STARD13: variants seen among roughly 807,000 people sequenced by gnomAD.
STARD13 encodes the protein StAR related lipid transfer domain containing 13, also known as stAR-related lipid transfer protein 13.
STARD13 carries 62 observed loss-of-function variants against 106.4 expected under a neutral mutation model. That is an observed-to-expected ratio of 0.58 (90% CI 0.48 to 0.72). The LOEUF (loss-of-function observed/expected upper bound fraction) is 0.72. Among genes scored for constraint, STARD13 ranks in the 30% least tolerant of loss-of-function variants. The pLI is 0.00. For missense variants in STARD13, 1,387 were observed against 1,424.0 expected (o/e 0.97, Z 0.42); for synonymous variants, 565 against 553.0 (o/e 1.02, Z -0.31).
At chr13:33,631,445 T>C in the STARD13 span, among the ~76,000 whole-genome samples, 7 of 152,248 alleles carry the variant, frequency 4.6e-5, no homozygotes, top group Admixed American at 1.3e-4. Flanking sequence ...AGCCTCTTCA[T>C]GTTCTTACAT....
chr13:33,262,657 CACACA>C, intron 1 of STARD13, among the ~76,000 whole-genome samples: 3 of 110,326 alleles, frequency 2.7e-5, no homozygotes, highest in Admixed American at 8.8e-5. Flanking sequence ...CCCACACACA[CACACA>C]ACACACACAC....
intron 1 of STARD13, among the ~76,000 whole-genome samples, chr13:33,315,775 A>G (rs1159700027): frequency 6.6e-6 from 1 of 152,166 alleles, no homozygotes; most frequent in Non-Finnish European, 1.5e-5. Flanking sequence ...CATTTTAAAC[A>G]TCAAAAAGTA....
At chr13:33,222,072 C>T (rs891098921) in intron 1 of STARD13, among the ~76,000 whole-genome samples, 1 of 151,950 alleles carries the variant, frequency 6.6e-6, no homozygotes, top group East Asian at 1.9e-4. Context: ...CTGCTTGAAC[C>T]CGGGAGGTAG....
the STARD13 span, among the ~76,000 whole-genome samples, chr13:33,629,027 A>C: frequency 2.0e-5 from 3 of 152,178 alleles, no homozygotes; most frequent in Non-Finnish European, 2.9e-5. Context: ...GCAGCTTCTT[A>C]GCTATGTTGA....
chr13:33,645,622 C>G, the STARD13 span, among the ~76,000 whole-genome samples: 1 of 152,100 alleles, frequency 6.6e-6, no homozygotes, highest in Non-Finnish European at 1.5e-5. Flanking sequence ...CAGCCAAAGT[C>G]TAAAGGGATT....
intron 1 of STARD13, among the ~76,000 whole-genome samples, chr13:33,316,389 G>A (rs1296257890): frequency 1.3e-5 from 2 of 152,154 alleles, no homozygotes; most frequent in African/African-American, 4.8e-5. Flanking sequence ...GTAGAAATAA[G>A]CAATCTTGGT....
At chr13:33,200,169 G>T (rs1485286205) in intron 1 of STARD13, among the ~76,000 whole-genome samples, 1 of 152,206 alleles carries the variant, frequency 6.6e-6, no homozygotes, top group African/African-American at 2.4e-5. Flanking sequence ...TAGCCCTGTG[G>T]TCTGCTGACA....
chr13:33,642,680 C>G, the STARD13 span, among the ~76,000 whole-genome samples: 39 of 152,118 alleles, frequency 2.6e-4, no homozygotes, highest in Admixed American at 2.5e-3. Flanking sequence ...CTGAGTCACA[C>G]AGTCAGTAAA....
At chr13:33,143,438 T>C (rs903780538) in intron 3 of STARD13, among the ~76,000 whole-genome samples, 3 of 152,226 alleles carry the variant, frequency 2.0e-5, no homozygotes, top group African/African-American at 7.2e-5. Context: ...GATTGACTCA[T>C]GTTGTTGAGT....
chr13:33,654,086 T>C, the STARD13 span, among the ~76,000 whole-genome samples: 1 of 152,300 alleles, frequency 6.6e-6, no homozygotes. Context: ...AGTGAGAATG[T>C]AAAATGGTGC....
the STARD13 span, among the ~76,000 whole-genome samples, chr13:33,396,388 A>C: frequency 6.6e-6 from 1 of 152,000 alleles, no homozygotes; most frequent in Non-Finnish European, 1.5e-5. Context: ...AGGTTTAAAA[A>C]TAAGTTGTAT....
At chr13:33,461,774 T>C in the STARD13 span, among the ~76,000 whole-genome samples, 1 of 152,178 alleles carries the variant, frequency 6.6e-6, no homozygotes, top group African/African-American at 2.4e-5. Flanking sequence ...TGTCATGATC[T>C]GCATATTTAT....
At chr13:33,327,144 A>G (rs181724157) in intron 1 of STARD13, among the ~76,000 whole-genome samples, 94 of 152,340 alleles carry the variant, frequency 6.2e-4, no homozygotes, top group Admixed American at 2.5e-3. Context: ...TAGTGCTTCA[A>G]TCTTAGAATA....
the STARD13 span, among the ~76,000 whole-genome samples, chr13:33,577,732 T>C: frequency 6.6e-6 from 1 of 152,050 alleles, no homozygotes; most frequent in South Asian, 2.1e-4. Flanking sequence ...ATTATAGCCC[T>C]CAATGGAAAA....
At chr13:33,285,905 G>A (rs188487154), upstream of STARD13, 1 of 536,170 alleles carries the variant, frequency 1.9e-6, no homozygotes, top group South Asian at 4.0e-5. Flanking sequence ...CAGCCGCCAG[G>A]GTCCCTCACA....
At chr13:33,525,374 C>T in the STARD13 span, among the ~76,000 whole-genome samples, 16 of 151,938 alleles carry the variant, frequency 1.1e-4, no homozygotes, top group Admixed American at 6.6e-5. Context: ...AATAATAAAA[C>T]GATGTTCATA....
At chr13:33,487,873 C>T in the STARD13 span, among the ~76,000 whole-genome samples, 1 of 152,200 alleles carries the variant, frequency 6.6e-6, no homozygotes, top group Non-Finnish European at 1.5e-5. Flanking sequence ...GGCATACAAC[C>T]CATCACTCAA....
At chr13:33,443,905 A>AAAAAG in the STARD13 span, among the ~76,000 whole-genome samples, 2 of 151,782 alleles carry the variant, frequency 1.3e-5, no homozygotes, top group Admixed American at 1.3e-4. Flanking sequence ...AAAAAAAAAA[A>AAAAAG]AAAAAGAAGA....
At chr13:33,515,431 G>C in the STARD13 span, among the ~76,000 whole-genome samples, 176 of 152,250 alleles carry the variant, frequency 1.2e-3, no homozygotes, top group African/African-American at 4.0e-3. Context: ...CTCTTGAAAT[G>C]AAGGATTTTA....
Sources: gnomAD v4.1 joint callset for allele counts (sites outside exome capture counted in the v4.1 genomes callset) on GRCh38, gnomAD v4.1.1 for gene constraint, MANE v1.5 for transcripts, NCBI Gene and HGNC (gene_info 2026-07-23, HGNC 2026-07-21) for gene names.